The following MRPL17 variants were observed in gnomAD, a reference collection of about 807,000 sequenced individuals.
The protein encoded by MRPL17 is mitochondrial ribosomal protein L17, also known as large ribosomal subunit protein bL17m.
MRPL17 carries 8 observed loss-of-function variants against 12.0 expected under a neutral mutation model. The ratio of observed to expected loss-of-function variants is 0.67; its 90% CI spans 0.39 to 1.21. The LOEUF is 1.21. Among genes scored for constraint, MRPL17 ranks in the 50% most tolerant of loss-of-function variants. The pLI is 0.01. For synonymous variants in MRPL17, 107 were observed against 92.9 expected (o/e 1.15, Z -0.87); for missense variants, 263 against 234.4 (o/e 1.12, Z -0.80).
At position 6,683,327 on chromosome 11, in the gene MRPL17, C is replaced by G; in HGVS notation, c.-31G>C. The G allele has an allele frequency of 1.3e-6, 2 of 1,592,774 alleles. No individual in the cohort carries two copies. Among genetic ancestry groups the G allele is most frequent in the African/African-American group, 1.3e-5 (1 of 74,650 alleles). Reference sequence around the variant, plus strand: ...CAACTTCTGCCCGCCCCTTGGAGGCCGGAACTGGAAACTGGAAGGTAGAGC... The same window carrying G: ...CAACTTCTGCCCGCCCCTTGGAGGCGGGAACTGGAAACTGGAAGGTAGAGC... On this transcript the variant is annotated 5_prime_UTR_variant, in exon 1 of 3. Coordinates refer to ENST00000288937, the MANE Select transcript of MRPL17 (RefSeq NM_022061.4).
Position 6,682,083 on chromosome 11 carries a change from G to A in MRPL17, c.*35C>T, listed in dbSNP as rs780490536. 9.5e-6 allele frequency: 15 copies of A among 1,580,416 alleles called. No individual in the cohort carries two copies. The highest frequency in any genetic ancestry group is 1.3e-5 in the Non-Finnish European group (15 of 1,160,200). On this transcript the variant is annotated 3_prime_UTR_variant, in exon 3 of 3. Transcript: ENST00000288937. ...GTGCTCCAAAGGCCTGTGATCATGGGTACTGATTAAGGGCTGCAGACTCTT... is the reference window on the plus strand; with the variant it reads ...GTGCTCCAAAGGCCTGTGATCATGGATACTGATTAAGGGCTGCAGACTCTT...
rs551817313 is a variant in MRPL17, at chr11:6,681,527, G to A, written c.*591C>T. The A allele has an allele frequency of 4.6e-5, 7 of 152,350 alleles. No individual in the cohort carries two copies. Among genetic ancestry groups the A allele is most frequent in the African/African-American group, 1.7e-4 (7 of 41,560 alleles). 9.4% of individuals were successfully genotyped at this position (152,350 alleles called of 1,614,324 possible). On this transcript the variant is annotated 3_prime_UTR_variant, in exon 3 of 3. Transcript: ENST00000288937. ...TCCTCCCAGGCCCATTCAGGGGGTT[G>A]AAGGGAACACATTAAGGTAATGTGT...
chr11:6,682,686 T>A, intron 2 of MRPL17, 61 bp downstream of exon 2: 2 of 1,537,090 alleles, frequency 1.3e-6, no homozygotes, highest in East Asian at 2.2e-5. Context: ...TTCTCCTTTT[T>A]CCAACCCCCA....
At chr11:6,682,875 T>G (rs1007807230) in intron 1 of MRPL17, 60 bp from the exon 2 acceptor site, 2 of 1,532,592 alleles carry the variant, frequency 1.3e-6, no homozygotes, top group African/African-American at 2.7e-5. Flanking sequence ...CAATCTAATT[T>G]CTCTAATGCC....
chr11:6,682,563 A>C (rs949388660), intron 2 of MRPL17, among the ~76,000 whole-genome samples, 161 bp from the exon 3 acceptor site: 1 of 152,238 alleles, frequency 6.6e-6, no homozygotes, highest in South Asian at 2.1e-4. Context: ...GGTCGTTTAT[A>C]GGCAGTTGTG....
rs1398292208 is a variant in MRPL17, at chr11:6,681,494, G to C, written c.*624C>G. ...AAACTGGTGGAACATCTGAGTTCTT[G>C]GGTCCTCTCCTCCCAGGCCCATTCA... On this transcript the variant is annotated 3_prime_UTR_variant, in exon 3 of 3. Transcript: ENST00000288937. 6.6e-6 allele frequency: 1 copy of C among 152,216 alleles called. No individual in the cohort carries two copies. The highest frequency in any genetic ancestry group is 1.5e-5 in the Non-Finnish European group (1 of 68,098). 9.4% of individuals were successfully genotyped at this position (152,216 alleles called of 1,614,324 possible). A position where few individuals can be genotyped will look rare whatever the true frequency, so the allele number is the denominator to read the frequency against.
Position 6,682,248 on chromosome 11 carries a change from A to AGGGGTG in MRPL17, c.392_397dup (p.Pro131_Pro132dup). 1 of 1,614,176 alleles carries AGGGGTG rather than the reference A, an allele frequency of 6.2e-7. No individual in the cohort carries two copies. The highest frequency in any genetic ancestry group is 2.2e-5 in the East Asian group (1 of 44,886). ...GTGGCTGTCTCTGCGAGGCAGAGGC[A>AGGGGTG]GGGGTGGGAGGCAATTCCCTTTATA... On this transcript the variant is annotated inframe_insertion, in exon 3 of 3. Coordinates refer to ENST00000288937, the MANE Select transcript of MRPL17 (RefSeq NM_022061.4).
rs778033130 is a variant in MRPL17, at chr11:6,683,270, G to A, written c.27C>T (p.Ile9=). The change falls in exon 1 of 3, where the codon ATC becomes ATT. Residue 9 remains isoleucine (I), a synonymous_variant. Transcript: ENST00000288937. ...TACGGCGAAATACGCGGCCATGGGA[G>A]ATCGCTGCAGCGACCGACAGCCGCA... MRLSVAAA[I]SHGRVFRRMG... 7 of 1,613,154 alleles carry A rather than the reference G, an allele frequency of 4.3e-6. No homozygotes were observed. The African/African-American group carries it at 5.3e-5, about 12-fold the overall frequency.
At chr11:6,682,438 G>C (rs747998683) in intron 2 of MRPL17, 36 bp from the exon 3 acceptor site, 3 of 1,597,370 alleles carry the variant, frequency 1.9e-6, no homozygotes, top group Non-Finnish European at 2.6e-6. Context: ...AGCAGAGTCA[G>C]GCAAAACTGC....
chr11:6,683,036 G>A, intron 1 of MRPL17, 87 bp downstream of exon 1: 1 of 1,513,390 alleles, frequency 6.6e-7, no homozygotes, highest in Non-Finnish European at 8.9e-7. Context: ...TGGTTTACCA[G>A]GTTGGTCCCG....
Sources: gnomAD v4.1 joint callset for allele counts (sites outside exome capture counted in the v4.1 genomes callset) on GRCh38, gnomAD v4.1.1 for gene constraint, MANE v1.5 for transcripts, NCBI Gene and HGNC (gene_info 2026-07-23, HGNC 2026-07-21) for gene names.